NTNG1: variants seen among roughly 807,000 people sequenced by gnomAD.
NTNG1 encodes the protein netrin G1, also known as netrin-G1.
NTNG1 carries 16 observed loss-of-function variants against 54.0 expected under a neutral mutation model. The observed-to-expected ratio is 0.30, with a 90% confidence interval of 0.20 to 0.45. The LOEUF (loss-of-function observed/expected upper bound fraction) is 0.45, where lower values mean the gene tolerates loss of function less well. Ranked by LOEUF, NTNG1 falls within the 20% of genes least tolerant of loss-of-function variation. The pLI, the probability that NTNG1 is intolerant of heterozygous loss-of-function variation, is 1.00. For missense variants in NTNG1, 530 were observed against 678.7 expected, an observed-to-expected ratio of 0.78 and a Z score of 2.43; for synonymous variants, 255 against 263.1, an observed-to-expected ratio of 0.97 and a Z score of 0.30.
intron 7 of NTNG1, 42 bp from the exon 8 acceptor site, chr1:107,480,569 T>TCCCCCCCCCCCCCCCCCCCCAACCAAC: frequency 1.6e-6 from 1 of 609,596 alleles, no homozygotes; most frequent in Non-Finnish European, 3.1e-6. Flanking sequence ...CTGCTTCTCC[T>TCCCCCCCCCCCCCCCCCCCCAACCAAC]CCCCGCGCCC....
At chr1:107,288,926 G>C (rs1665396173) in intron 2 of NTNG1, among the ~76,000 whole-genome samples, 1 of 152,064 alleles carries the variant, frequency 6.6e-6, no homozygotes, top group Non-Finnish European at 1.5e-5. Flanking sequence ...GTCAAGATAA[G>C]TTTTTTATAC....
At chr1:107,184,961 C>T (rs1398559231) in intron 2 of NTNG1, among the ~76,000 whole-genome samples, 1 of 152,136 alleles carries the variant, frequency 6.6e-6, no homozygotes, top group African/African-American at 2.4e-5. Context: ...AAGTTGACAT[C>T]TGGGATTGGG....
chr1:107,413,158 T>A (rs1673948446), intron 5 of NTNG1, among the ~76,000 whole-genome samples: 1 of 1,456 alleles, frequency 6.9e-4, no homozygotes, highest in Admixed American at 0.038. Flanking sequence ...TTTTGTTCAT[T>A]TTTTTTTTCA....
At position 107,324,707 on chromosome 1, in the gene NTNG1, A is replaced by T; in HGVS notation, c.672A>T (p.Glu224Asp). ...YTTNSKIIHF[E>D]IKDRFAFFAG... ...CAAATAGCAAAATAATCCACTTTGA[A>T]ATCAAAGACAGGTTCGCGTTTTTTG... The change falls in exon 3 of 8, where the codon GAA (glutamate) becomes GAT (aspartate). Residue 224 changes from glutamate (E) to aspartate (D), a missense_variant. Coordinates refer to ENST00000370068, the MANE Select transcript of NTNG1 (RefSeq NM_001113226.3). 2 of 1,613,580 alleles carry T rather than the reference A, an allele frequency of 1.2e-6. No homozygotes were observed. Among genetic ancestry groups the T allele is most frequent in the South Asian group, 2.2e-5 (2 of 91,068 alleles).
rs571351354 is a variant in NTNG1 at position 107,152,823 on chromosome 1, A to T, written c.246+3984A>T. ...TAATTACAAGTAGACTCATATTACT[A>T]AAAAATTGGAGAAAATAAAGTACTC... On this transcript the variant is annotated intron_variant, in intron 2 of 7. Coordinates refer to ENST00000370068, the MANE Select transcript of NTNG1 (RefSeq NM_001113226.3). 6.2e-3 allele frequency among the ~76,000 whole-genome samples: 938 copies of T among 152,298 alleles called. 8 individuals carry two copies. Among genetic ancestry groups the T allele is most frequent in the Non-Finnish European group, 8.1e-3 (552 of 68,012 alleles).
chr1:107,355,278 G>GT (rs571270900), intron 3 of NTNG1, among the ~76,000 whole-genome samples: 174 of 144,008 alleles, frequency 1.2e-3, no homozygotes, highest in Admixed American at 2.1e-3. Context: ...CTTTTTTATT[G>GT]TTTTTTTTAA....
At chr1:107,278,780 A>G (rs1317710941) in intron 2 of NTNG1, among the ~76,000 whole-genome samples, 1 of 151,914 alleles carries the variant, frequency 6.6e-6, no homozygotes, top group Non-Finnish European at 1.5e-5. Context: ...TCTGTTGATT[A>G]TTTTCGTAAC....
intron 2 of NTNG1, 40 bp downstream of exon 2, chr1:107,148,879 G>A (rs765587903): frequency 6.9e-6 from 11 of 1,589,590 alleles, no homozygotes; most frequent in South Asian, 5.6e-5. Context: ...CATATAAATA[G>A]GGTCTAATCG....
chr1:107,475,261 T>C (rs1288989647), intron 7 of NTNG1, among the ~76,000 whole-genome samples: 1 of 152,210 alleles, frequency 6.6e-6, no homozygotes, highest in East Asian at 1.9e-4. Flanking sequence ...CAATATTATT[T>C]ACCACATTTC....
intron 2 of NTNG1, among the ~76,000 whole-genome samples, chr1:107,248,923 C>T (rs1359792631): frequency 2.7e-5 from 4 of 150,142 alleles, no homozygotes; most frequent in South Asian, 2.1e-4. Context: ...CCAAGACAGG[C>T]GGATCATCTG....
intron 2 of NTNG1, among the ~76,000 whole-genome samples, chr1:107,183,532 A>G (rs945854786): frequency 6.6e-6 from 1 of 152,152 alleles, no homozygotes; most frequent in Non-Finnish European, 1.5e-5. Flanking sequence ...TCAAAGTAAC[A>G]AGCACTAGTA....
intron 2 of NTNG1, among the ~76,000 whole-genome samples, chr1:107,231,997 G>A (rs781330849): frequency 2.5e-4 from 38 of 152,124 alleles, no homozygotes; most frequent in Non-Finnish European, 4.6e-4. Context: ...AAAGAATAAT[G>A]AAGGCCTCTT....
intron 7 of NTNG1, among the ~76,000 whole-genome samples, chr1:107,476,780 C>A (rs1021649419): frequency 1.3e-5 from 2 of 152,168 alleles, no homozygotes; most frequent in African/African-American, 4.8e-5. Flanking sequence ...TCTTTGACAG[C>A]TTTCCATTCC....
chr1:107,409,926 A>C (rs1383294521), intron 5 of NTNG1: 1 of 152,008 alleles, frequency 6.6e-6, no homozygotes, highest in Non-Finnish European at 1.5e-5. Flanking sequence ...TTTTGCGTGC[A>C]CTCGTGGATT....
In NTNG1 at chr1:107,164,423, A is replaced by C. The variant is rs17018529; in HGVS notation, c.246+15584A>C. ...TTTATTGATGTGACCATTGGGTGAT[A>C]AAAGTAACAAGTGTTAGTAATTTAA... On this transcript the variant is annotated intron_variant, in intron 2 of 7. Coordinates refer to ENST00000370068, the MANE Select transcript of NTNG1 (RefSeq NM_001113226.3). 5.0e-3 allele frequency among the ~76,000 whole-genome samples: 763 copies of C among 152,352 alleles called. 13 individuals are homozygous for C. In the East Asian group the frequency reaches 0.076, roughly 15 times the overall value.
intron 7 of NTNG1, among the ~76,000 whole-genome samples, chr1:107,442,607 A>C (rs1210780417): frequency 6.9e-6 from 1 of 144,418 alleles, no homozygotes; most frequent in Non-Finnish European, 1.5e-5. Context: ...GCTTACATTA[A>C]AGCTCAATTT....
rs186442358 is a variant in NTNG1 at position 107,240,105 on chromosome 1, A to C, written c.247-84177A>C. On this transcript the variant is annotated intron_variant, in intron 2 of 7. Transcript: ENST00000370068. ...TTTGATGTATGTGAGGTATGATGAT[A>C]CAATAGAGAAATGCAATTAATGTCT... Among the ~76,000 whole-genome samples the C allele has an allele frequency of 1.6e-4, 24 of 152,312 alleles. No homozygotes were observed. The East Asian group carries it at 4.2e-3, about 27-fold the overall frequency.
intron 4 of NTNG1, among the ~76,000 whole-genome samples, chr1:107,403,153 G>A (rs547981574): frequency 3.5e-4 from 54 of 152,244 alleles, no homozygotes; most frequent in African/African-American, 1.3e-3. Flanking sequence ...ATTATATTGT[G>A]TAATTCTACT....
At chr1:107,304,948 C>T (rs1666585801) in intron 2 of NTNG1, among the ~76,000 whole-genome samples, 1 of 152,154 alleles carries the variant, frequency 6.6e-6, no homozygotes, top group South Asian at 2.1e-4. Flanking sequence ...CATGTGTTCT[C>T]ATTGTTCAGC....
Sources: gnomAD v4.1 joint callset for allele counts (sites outside exome capture counted in the v4.1 genomes callset) on GRCh38, gnomAD v4.1.1 for gene constraint, MANE v1.5 for transcripts, NCBI Gene and HGNC (gene_info 2026-07-23, HGNC 2026-07-21) for gene names.